KCNJ10: variants seen among roughly 807,000 people sequenced by gnomAD.
KCNJ10 encodes ATP-sensitive inward rectifier potassium channel 10.
Under a neutral mutation model 22.2 loss-of-function variants are expected in KCNJ10, and 9 were observed. The ratio of observed to expected loss-of-function variants is 0.40; its 90% CI spans 0.24 to 0.71. The LOEUF is 0.71. Ranked by LOEUF, KCNJ10 falls within the 30% of genes least tolerant of loss-of-function variation. The pLI is 0.35. For missense variants in KCNJ10, 337 were observed against 482.7 expected (o/e 0.70, Z 2.83); for synonymous variants, 184 against 187.3 (o/e 0.98, Z 0.15).
chr1:160,045,834 C>T (rs1648730767), intron 1 of KCNJ10, among the ~76,000 whole-genome samples: 1 of 152,214 alleles, frequency 6.6e-6, no homozygotes, highest in Admixed American at 6.5e-5. Flanking sequence ...GTTTGAAGGA[C>T]TATCACGTGA....
intron 1 of KCNJ10, among the ~76,000 whole-genome samples, chr1:160,060,643 C>T (rs956504764): frequency 2.6e-5 from 4 of 152,202 alleles, no homozygotes; most frequent in Non-Finnish European, 4.4e-5. Flanking sequence ...TGACCCCATC[C>T]ACCCTCCCAG....
chr1:160,049,845 C>T (rs1293186633), intron 1 of KCNJ10, among the ~76,000 whole-genome samples: 2 of 151,024 alleles, frequency 1.3e-5, no homozygotes, highest in East Asian at 3.9e-4. Flanking sequence ...CTAACTGACT[C>T]CATCATCATA....
Position 160,042,123 on chromosome 1 carries a change from C to A in KCNJ10, c.410G>T (p.Ser137Ile). 6.4e-7 allele frequency: 1 copy of A among 1,565,234 alleles called. No homozygotes were observed. The highest frequency in any genetic ancestry group is 1.8e-5 in the Admixed American group (1 of 54,732). Residue 137 changes from serine to isoleucine, a missense_variant, in exon 2 of 2, where the codon AGT becomes ATT. Around this residue, in one of 3 missense-constraint regions of KCNJ10, gnomAD observed 165 missense variants for 281.5 expected, o/e 0.59. Transcript: ENST00000644903. Reference protein sequence around the residue: ...TTIGYGFRYISEECPLAIVLL... With the variant: ...TTIGYGFRYIIEECPLAIVLL... ...CACAATGGCCAGTGGACATTCCTCACTGATGTAGCGGAAGCCATAGCCAAT... is the reference window on the plus strand; with the variant it reads ...CACAATGGCCAGTGGACATTCCTCAATGATGTAGCGGAAGCCATAGCCAAT...
At chr1:160,049,722 T>G (rs55728997) in intron 1 of KCNJ10, among the ~76,000 whole-genome samples, 3,478 of 122,788 alleles carry the variant, frequency 0.028, 204 homozygotes, top group African/African-American at 0.1. Flanking sequence ...TATATATATG[T>G]TATCCTAAAG....
At chr1:160,056,225 G>T (rs183688110) in intron 1 of KCNJ10, among the ~76,000 whole-genome samples, 1 of 151,982 alleles carries the variant, frequency 6.6e-6, no homozygotes, top group South Asian at 2.1e-4. Context: ...CTCGGTCCTC[G>T]GCTGCCTCAG....
At position 160,062,266 on chromosome 1, in the gene KCNJ10, G is replaced by T. The variant is rs374211318; in HGVS notation, c.-1+7756C>A. ...CTCCGGACACTGGGGCGAAGGGGGG[G>T]TGGTGGGGAAGGCTCTGAAAGCAGG... On this transcript the variant is annotated intron_variant, in intron 1 of 1. Transcript: ENST00000644903. 2.6e-4 allele frequency among the ~76,000 whole-genome samples: 40 copies of T among 152,300 alleles called. 2 individuals are homozygous for T. The South Asian group carries it at 6.6e-3, about 25-fold the overall frequency.
At chr1:160,054,565 T>C (rs1356019944) in intron 1 of KCNJ10, among the ~76,000 whole-genome samples, 4 of 152,214 alleles carry the variant, frequency 2.6e-5, no homozygotes. Flanking sequence ...AGACATGCGA[T>C]GCTGAAAAGG....
At chr1:160,055,074 G>A (rs984565318) in intron 1 of KCNJ10, among the ~76,000 whole-genome samples, 1 of 152,122 alleles carries the variant, frequency 6.6e-6, no homozygotes, top group East Asian at 1.9e-4. Context: ...CCCCTTCCCC[G>A]ACTCCAGCTC....
intron 1 of KCNJ10, among the ~76,000 whole-genome samples, chr1:160,055,705 G>A (rs987906687): frequency 2.0e-5 from 3 of 152,038 alleles, no homozygotes; most frequent in Non-Finnish European, 2.9e-5. Context: ...TGTTACTCTC[G>A]GACACCATGT....
Position 160,042,318 on chromosome 1 carries a change from GAGA to G in KCNJ10, c.212_214del (p.Phe71del). ...GAACCATGTGCCTGCAAAGGTCGCA[GAGA>G]AGAGCAGAAGCTTGTAGCGCCACTG... is the stretch of plus-strand genomic sequence containing the variant. On this transcript the variant is annotated inframe_deletion, in exon 2 of 2. Transcript: ENST00000644903. 1 of 1,613,612 alleles carries G rather than the reference GAGA, an allele frequency of 6.2e-7. No individual in the cohort carries two copies. The highest frequency in any genetic ancestry group is 8.5e-7 in the Non-Finnish European group (1 of 1,179,498).
At chr1:160,069,630 G>C (rs1250294642) in intron 1 of KCNJ10, among the ~76,000 whole-genome samples, 1 of 152,176 alleles carries the variant, frequency 6.6e-6, no homozygotes, top group Non-Finnish European at 1.5e-5. Flanking sequence ...GGAGGGGCTG[G>C]GGATGGGAGT....
At chr1:160,062,999 T>A (rs1197016546) in intron 1 of KCNJ10, among the ~76,000 whole-genome samples, 2 of 151,932 alleles carry the variant, frequency 1.3e-5, no homozygotes, top group African/African-American at 4.8e-5. Context: ...CCTGAACTAG[T>A]GAAGGTGGAG....
At chr1:160,064,850 G>A (rs1649283763) in intron 1 of KCNJ10, 1 of 152,320 alleles carries the variant, frequency 6.6e-6, no homozygotes, top group Non-Finnish European at 1.5e-5. Flanking sequence ...AGTGCTAAGA[G>A]GTCAGACCTA....
chr1:160,042,541 A>C lies in KCNJ10; in HGVS notation c.1-9T>G. The stretch of plus-strand genomic sequence containing the variant: ...TTGGCAACTGACGTCATCTGGAGGG[A>C]GCAAGACAGCATAATGGAGGTTATC... On this transcript the variant is annotated splice_polypyrimidine_tract_variant and intron_variant, in intron 1 of 1. Transcript: ENST00000644903. The C allele has an allele frequency of 6.2e-7, 1 of 1,612,980 alleles. No individual in the cohort carries two copies.
Position 160,041,911 on chromosome 1 carries a change from G to T in KCNJ10, c.622C>A (p.Leu208Ile), listed in dbSNP as rs1389684432. 6.2e-7 allele frequency: 1 copy of T among 1,614,142 alleles called. No homozygotes were observed. The highest frequency in any genetic ancestry group is 8.5e-7 in the Non-Finnish European group (1 of 1,179,990). The change falls in exon 2 of 2, where the codon CTC becomes ATC. Residue 208 changes from leucine (L) to isoleucine (I), a missense_variant. Transcript: ENST00000644903. This position sits in a 1 kb window ranked among gnomAD's most constrained non-coding sequence, Gnocchi z 4.4. ...TTTCCTGTCACCTGGCAGCCAATGA[G>T]GAGGCTTTTGCGCATATTGGCAACT... ...IRVANMRKSL[L>I]IGCQVTGKLL...
At chr1:160,067,088 T>C (rs1649337709) in intron 1 of KCNJ10, among the ~76,000 whole-genome samples, 1 of 152,200 alleles carries the variant, frequency 6.6e-6, no homozygotes. Context: ...TTCAGTCCTC[T>C]TCTAGCTCCT....
At chr1:160,054,311 A>T (rs1648974181) in intron 1 of KCNJ10, among the ~76,000 whole-genome samples, 1 of 152,172 alleles carries the variant, frequency 6.6e-6, no homozygotes, top group African/African-American at 2.4e-5. Flanking sequence ...GGCAGGGTTC[A>T]ACTGAGGACA....
chr1:160,046,599 C>T (rs2101927026), intron 1 of KCNJ10, among the ~76,000 whole-genome samples: 1 of 152,300 alleles, frequency 6.6e-6, no homozygotes, highest in Non-Finnish European at 1.5e-5. Context: ...TTGCCACCTC[C>T]AGCTGTAGTG....
chr1:160,043,272 A>AACACACACAC (rs779402094), intron 1 of KCNJ10, among the ~76,000 whole-genome samples: 54 of 132,740 alleles, frequency 4.1e-4, no homozygotes, highest in Non-Finnish European at 5.0e-4. Flanking sequence ...TCCCCCTTAA[A>AACACACACAC]ACACACACAC....
Sources: gnomAD v4.1 joint callset for allele counts (sites outside exome capture counted in the v4.1 genomes callset) on GRCh38, gnomAD v4.1.1 for gene constraint, gnomAD v4.1.1 regional missense constraint, Gnocchi (gnomAD v3.1) non-coding constraint, MANE v1.5 for transcripts, NCBI Gene and HGNC (gene_info 2026-07-23, HGNC 2026-07-21) for gene names.